Variants in AFF3 observed in about 807,000 individuals in gnomAD.
AFF3 encodes AF4/FMR2 family member 3.
Under a neutral mutation model 129.7 loss-of-function variants are expected in AFF3, and 32 were observed. That is an observed-to-expected ratio of 0.25 (90% CI 0.19 to 0.33). The LOEUF (loss-of-function observed/expected upper bound fraction) is 0.33. Ranked by LOEUF, AFF3 falls within the 10% of genes least tolerant of loss-of-function variation. The probability of loss-of-function intolerance (pLI) is 1.00; values close to 1 mark genes in which losing one functional copy is unlikely to be tolerated. For missense variants in AFF3, 1,373 were observed against 1,592.0 expected (o/e 0.86, Z 2.34); for synonymous variants, 644 against 635.4 (o/e 1.01, Z -0.20).
At chr2:99,643,022 A>T (rs958953134) in intron 13 of AFF3, among the ~76,000 whole-genome samples, 2 of 151,794 alleles carry the variant, frequency 1.3e-5, no homozygotes, top group African/African-American at 4.8e-5. Flanking sequence ...TGGATTTTTT[A>T]AAAGTTTTTT....
chr2:99,941,855 C>T (rs1035272758), intron 7 of AFF3, among the ~76,000 whole-genome samples: 5 of 152,312 alleles, frequency 3.3e-5, no homozygotes, highest in South Asian at 2.1e-4. Flanking sequence ...GATGACATCA[C>T]GGAGCCTCTG....
intron 7 of AFF3, among the ~76,000 whole-genome samples, chr2:99,881,992 G>T (rs573482021): frequency 2.0e-5 from 3 of 152,110 alleles, no homozygotes; most frequent in Non-Finnish European, 1.5e-5. Context: ...GGAAAAACAC[G>T]CTGGGAAAGG....
At chr2:99,947,044 A>G (rs954988199) in intron 7 of AFF3, among the ~76,000 whole-genome samples, 3 of 152,184 alleles carry the variant, frequency 2.0e-5, no homozygotes, top group African/African-American at 4.8e-5. Context: ...TTAGGTAAAT[A>G]TTTATTCAAT....
chr2:99,576,156 C>T (rs150882363), intron 18 of AFF3, among the ~76,000 whole-genome samples: 3,820 of 151,866 alleles, frequency 0.025, 60 homozygotes, highest in Admixed American at 0.04. Context: ...CCTCAGCCTC[C>T]GGAGTAGCTG....
chr2:99,589,325 G>T (rs1264676644), intron 15 of AFF3, among the ~76,000 whole-genome samples: 2 of 151,372 alleles, frequency 1.3e-5, no homozygotes, highest in Non-Finnish European at 2.9e-5. Context: ...AAAATGAGCT[G>T]CCAAGTATTA....
chr2:99,720,893 T>C lies in AFF3; in HGVS notation c.1091+6184A>G, dbSNP rs1028701833. On this transcript the variant is annotated intron_variant, in intron 11 of 24. Coordinates refer to ENST00000672756, the MANE Select transcript of AFF3 (RefSeq NM_001386135.1). ...AGATTTAATGTCATATCACTTCACA[T>C]AAAATGTAAAAACTTTGCAGTTGTG... Among the ~76,000 whole-genome samples the C allele has an allele frequency of 3.3e-5, 5 of 152,332 alleles. No individual in the cohort carries two copies. The East Asian group carries it at 9.7e-4, about 29-fold the overall frequency.
At chr2:100,124,365 A>G (rs1692100010) in intron 2 of AFF3, among the ~76,000 whole-genome samples, 1 of 152,272 alleles carries the variant, frequency 6.6e-6, no homozygotes, top group Non-Finnish European at 1.5e-5. Context: ...TTGATGTGTC[A>G]GAGTACCAAG....
chr2:99,709,832 C>A (rs1467675009), intron 11 of AFF3, among the ~76,000 whole-genome samples: 4 of 152,206 alleles, frequency 2.6e-5, no homozygotes, highest in African/African-American at 9.6e-5. Context: ...CGAACTTGAT[C>A]GTCTAGCTTT....
At chr2:99,618,536 T>G (rs1232063050) in intron 13 of AFF3, among the ~76,000 whole-genome samples, 1 of 152,066 alleles carries the variant, frequency 6.6e-6, no homozygotes, top group Non-Finnish European at 1.5e-5. Context: ...GCACCCAGCC[T>G]CATAACATTC....
chr2:99,744,112 T>C lies in AFF3; in HGVS notation c.1031A>G (p.Asn344Ser). The change falls in exon 10 of 25, where the codon AAT becomes AGT. Residue 344 changes from asparagine to serine, a missense_variant. Physicochemically the swap from Asn to Ser is conservative, Grantham distance 46. Coordinates refer to ENST00000672756, the MANE Select transcript of AFF3 (RefSeq NM_001386135.1). ...AGCGAAGTCTTTCTTACTTGGATTATTGTGTCCAGAGGATACAAGCTGAGA... is the reference window on the plus strand; with the variant it reads ...AGCGAAGTCTTTCTTACTTGGATTACTGTGTCCAGAGGATACAAGCTGAGA... ...KDSQLVSSGH[N>S]NPKKGDAEPE... 3 of 1,606,848 alleles carry C rather than the reference T, an allele frequency of 1.9e-6. No homozygotes were observed. Among genetic ancestry groups the C allele is most frequent in the Admixed American group, 1.7e-5 (1 of 58,862 alleles).
intron 8 of AFF3, among the ~76,000 whole-genome samples, chr2:99,761,020 C>T (rs1057060454): frequency 5.9e-5 from 9 of 151,782 alleles, no homozygotes; most frequent in Admixed American, 2.0e-4. Context: ...TTTGGCCTCC[C>T]GAGTAGCTGG....
At chr2:99,777,947 C>CAAAAAAAAAAAAAAAAAGA (rs1684053696) in intron 8 of AFF3, among the ~76,000 whole-genome samples, 1 of 48,340 alleles carries the variant, frequency 2.1e-5, no homozygotes, top group Non-Finnish European at 3.8e-5. Context: ...AAAGCAAAAG[C>CAAAAAAAAAAAAAAAAAGA]AAAAAAAAAA....
At chr2:99,905,804 T>C (rs1248057141) in intron 7 of AFF3, among the ~76,000 whole-genome samples, 2 of 152,188 alleles carry the variant, frequency 1.3e-5, no homozygotes, top group African/African-American at 4.8e-5. Flanking sequence ...AGGAATTCAG[T>C]TGGTACTCAT....
intron 18 of AFF3, among the ~76,000 whole-genome samples, chr2:99,573,810 G>C (rs1365612237): frequency 6.6e-6 from 1 of 152,204 alleles, no homozygotes; most frequent in Admixed American, 6.5e-5. Flanking sequence ...TGGTTTGGCT[G>C]AATGTGCTGA....
intron 11 of AFF3, among the ~76,000 whole-genome samples, chr2:99,673,975 T>C (rs1687396931): frequency 6.6e-6 from 1 of 152,218 alleles, no homozygotes; most frequent in African/African-American, 2.4e-5. Flanking sequence ...GTTGTGAGTC[T>C]ACAAAATAAA....
At chr2:99,919,605 C>T (rs1037544066) in intron 7 of AFF3, among the ~76,000 whole-genome samples, 2 of 152,114 alleles carry the variant, frequency 1.3e-5, no homozygotes, top group Non-Finnish European at 2.9e-5. Flanking sequence ...GTATTTCATA[C>T]TAAATAATCT....
chr2:99,695,248 C>T (rs1003254144), intron 11 of AFF3, among the ~76,000 whole-genome samples: 1 of 152,200 alleles, frequency 6.6e-6, no homozygotes, highest in African/African-American at 2.4e-5. Flanking sequence ...CTGGTAGTTC[C>T]TGGAGTGGAC....
intron 13 of AFF3, among the ~76,000 whole-genome samples, chr2:99,617,654 C>T (rs545109309): frequency 2.0e-5 from 3 of 152,230 alleles, no homozygotes; most frequent in South Asian, 2.1e-4. Flanking sequence ...TCTAATTTTG[C>T]GGTAGTTCAG....
chr2:99,749,803 C>T (rs923761384), intron 9 of AFF3, among the ~76,000 whole-genome samples: 5 of 152,238 alleles, frequency 3.3e-5, no homozygotes, highest in South Asian at 2.1e-4. Flanking sequence ...ACCTCTGATT[C>T]GAACAATGAA....
Sources: gnomAD v4.1 joint callset for allele counts (sites outside exome capture counted in the v4.1 genomes callset) on GRCh38, gnomAD v4.1.1 for gene constraint, MANE v1.5 for transcripts, NCBI Gene and HGNC (gene_info 2026-07-23, HGNC 2026-07-21) for gene names.